RBKS: variants seen among roughly 807,000 people sequenced by gnomAD.
RBKS encodes ribokinase.
In RBKS, 33 loss-of-function variants were observed where a neutral mutation model predicts 33.9. The ratio of observed to expected loss-of-function variants is 0.97; its 90% CI spans 0.74 to 1.30. RBKS has a LOEUF of 1.30. RBKS is among the 50% of genes most tolerant of loss of function. RBKS has a pLI of 0.00. For synonymous variants in RBKS, 125 were observed against 143.0 expected (o/e 0.87, Z 0.90); for missense variants, 361 against 392.6 (o/e 0.92, Z 0.68).
At chr2:27,854,135 A>G (rs150150031) in intron 2 of RBKS, among the ~76,000 whole-genome samples, 127 of 152,350 alleles carry the variant, frequency 8.3e-4, no homozygotes, top group Non-Finnish European at 1.3e-3. Context: ...TTGTGGACTA[A>G]CAATTTTATA....
In RBKS at chr2:27,810,440, G is replaced by A. The variant is rs889409602; in HGVS notation, c.795+17127C>T. ...CATACTGGATGGAAGGGCATTTACC[G>A]GATGGAAGGGCATTTATGGATCACC... is the stretch of plus-strand genomic sequence containing the variant. On this transcript the variant is annotated intron_variant, in intron 7 of 7. Coordinates refer to ENST00000302188, the MANE Select transcript of RBKS (RefSeq NM_022128.3). This position sits in a 1 kb window ranked among gnomAD's most constrained non-coding sequence, Gnocchi z 4.4. 3.3e-5 allele frequency among the ~76,000 whole-genome samples: 5 copies of A among 151,888 alleles called. No individual in the cohort carries two copies. Among genetic ancestry groups the A allele is most frequent in the African/African-American group, 9.7e-5 (4 of 41,324 alleles).
At chr2:27,800,227 A>G (rs1231927149) in intron 7 of RBKS, among the ~76,000 whole-genome samples, 2 of 151,986 alleles carry the variant, frequency 1.3e-5, no homozygotes, top group East Asian at 3.9e-4. Context: ...CAGCTCTGTC[A>G]TCTTTTAAGA....
At chr2:27,785,096 G>A (rs980772416) in intron 7 of RBKS, among the ~76,000 whole-genome samples, 6 of 152,062 alleles carry the variant, frequency 3.9e-5, no homozygotes, top group African/African-American at 2.4e-5. Context: ...AGTCTTGAAT[G>A]TAAAAAACAA....
At chr2:27,849,559 CA>C (rs70953894) in intron 2 of RBKS, among the ~76,000 whole-genome samples, 668 of 28,580 alleles carry the variant, frequency 0.023, no homozygotes, top group Middle Eastern at 0.045. Context: ...GACTCTGTCT[CA>C]AAAAAAAAAA....
At chr2:27,827,888 T>G (rs1172063246) in intron 6 of RBKS, 133 bp from the exon 7 acceptor site, 1 of 676,292 alleles carries the variant, frequency 1.5e-6, no homozygotes, top group Non-Finnish European at 2.3e-6. Flanking sequence ...TGATAGATAC[T>G]GGTACAGGAA....
At chr2:27,881,196 C>T (rs535613120) in intron 1 of RBKS, among the ~76,000 whole-genome samples, 1 of 151,936 alleles carries the variant, frequency 6.6e-6, no homozygotes, top group African/African-American at 2.4e-5. Flanking sequence ...TGCAGTAAGC[C>T]ACTTTCACAC....
intron 1 of RBKS, among the ~76,000 whole-genome samples, chr2:27,875,301 A>C (rs1182176640): frequency 6.6e-6 from 1 of 152,212 alleles, no homozygotes; most frequent in African/African-American, 2.4e-5. Flanking sequence ...TAATCACTGC[A>C]CTTTGGGAGG....
chr2:27,846,280 C>A (rs551675645), intron 4 of RBKS, among the ~76,000 whole-genome samples: 191 of 152,024 alleles, frequency 1.3e-3, no homozygotes, highest in African/African-American at 1.6e-3. Context: ...TGTTTTAATT[C>A]ATTCATTCAT....
intron 7 of RBKS, among the ~76,000 whole-genome samples, chr2:27,789,951 A>ATATATATATATATATATATGTGTG (rs1558533092): frequency 2.7e-5 from 3 of 111,400 alleles, no homozygotes; most frequent in Non-Finnish European, 5.6e-5. Context: ...GTATATGTGT[A>ATATATATATATATATATATGTGTG]TATATATATA....
intron 7 of RBKS, among the ~76,000 whole-genome samples, chr2:27,794,728 A>G (rs1677612319): frequency 1.3e-5 from 2 of 151,748 alleles, no homozygotes; most frequent in East Asian, 1.9e-4. Context: ...GGTTCAAGCA[A>G]TTCTCCTGCC....
chr2:27,813,584 G>A (rs935815042), intron 7 of RBKS, among the ~76,000 whole-genome samples: 1 of 151,816 alleles, frequency 6.6e-6, no homozygotes, highest in Non-Finnish European at 1.5e-5. Flanking sequence ...GAGAGTCCAG[G>A]ATATAGAAAT....
chr2:27,837,625 C>T lies in RBKS; in HGVS notation c.515-4848G>A, dbSNP rs1338217727. ...ATAAAGAAAATGTGGTACATATATA[C>T]CATGGAATACTATGTAGCCGTAAAA... On this transcript the variant is annotated intron_variant, in intron 5 of 7. Transcript: ENST00000302188. The surrounding 1 kb of genome is among the most constrained non-coding windows in gnomAD (Gnocchi z 4.0). Among the ~76,000 whole-genome samples, 2 of 152,152 alleles carry T rather than the reference C, an allele frequency of 1.3e-5. No homozygotes were observed. Among genetic ancestry groups the T allele is most frequent in the African/African-American group, 4.8e-5 (2 of 41,424 alleles).
chr2:27,786,548 C>T lies in RBKS; in HGVS notation c.796-4760G>A, dbSNP rs986816220. Among the ~76,000 whole-genome samples, 14 of 152,140 alleles carry T rather than the reference C, an allele frequency of 9.2e-5. No homozygotes were observed. The East Asian group carries it at 2.3e-3, about 25-fold the overall frequency. On this transcript the variant is annotated intron_variant, in intron 7 of 7. Transcript: ENST00000302188. ...CTATAATACCAGCACTTTGGGAGGC[C>T]GAGGCAGGTACATCATGAGTTCAGG...
At chr2:27,812,313 G>A (rs1429923661) in intron 7 of RBKS, among the ~76,000 whole-genome samples, 1 of 152,116 alleles carries the variant, frequency 6.6e-6, no homozygotes, top group Non-Finnish European at 1.5e-5. Context: ...ATTCCTCAAG[G>A]ATCTAGAACT....
intron 1 of RBKS, 129 bp from the exon 2 acceptor site, chr2:27,858,700 G>T: frequency 1.3e-6 from 1 of 749,692 alleles, no homozygotes; most frequent in Non-Finnish European, 2.2e-6. Flanking sequence ...ATAAGCAGAA[G>T]CAACGAAGAT....
At chr2:27,794,305 A>AAATAAT (rs70953884) in intron 7 of RBKS, among the ~76,000 whole-genome samples, 15,604 of 137,516 alleles carry the variant, frequency 0.11, 1,042 homozygotes, top group East Asian at 0.26. Context: ...CCCCCCCACA[A>AAATAAT]AATAATAATA....
chr2:27,855,350 T>C (rs555985526), intron 2 of RBKS, among the ~76,000 whole-genome samples: 40 of 152,384 alleles, frequency 2.6e-4, no homozygotes, highest in African/African-American at 8.9e-4. Context: ...AGTTTGCTGA[T>C]TCCTGACCTG....
chr2:27,875,790 G>A (rs1664302999), intron 1 of RBKS, among the ~76,000 whole-genome samples: 1 of 152,128 alleles, frequency 6.6e-6, no homozygotes, highest in African/African-American at 2.4e-5. Flanking sequence ...GATTGAGGGT[G>A]GCAGAGAAGG....
At chr2:27,883,187 T>A (rs1486860614) in intron 1 of RBKS, among the ~76,000 whole-genome samples, 1 of 151,282 alleles carries the variant, frequency 6.6e-6, no homozygotes, top group East Asian at 1.9e-4. Flanking sequence ...CATGTTTTCC[T>A]AACTGCAGTA....
Sources: allele counts gnomAD v4.1 joint callset (sites outside exome capture counted in the v4.1 genomes callset), GRCh38; gene constraint gnomAD v4.1.1; non-coding constraint Gnocchi (gnomAD v3.1); transcripts MANE v1.5; gene names NCBI Gene and HGNC (gene_info 2026-07-23, HGNC 2026-07-21).